The following PLEKHA2 variants were observed in gnomAD, a reference collection of about 807,000 sequenced individuals.
PLEKHA2 encodes pleckstrin homology domain-containing family A member 2.
PLEKHA2 carries 28 observed loss-of-function variants against 53.2 expected under a neutral mutation model. The ratio of observed to expected loss-of-function variants is 0.53; its 90% CI spans 0.39 to 0.72. The LOEUF (loss-of-function observed/expected upper bound fraction) is 0.72, where lower values mean the gene tolerates loss of function less well. PLEKHA2 is among the 30% of genes least tolerant of loss of function. The probability of loss-of-function intolerance (pLI) is 0.00; values close to 1 mark genes in which losing one functional copy is unlikely to be tolerated. For missense variants in PLEKHA2, 426 were observed against 537.9 expected, an observed-to-expected ratio of 0.79 and a Z score of 2.06; for synonymous variants, 193 against 196.4, an observed-to-expected ratio of 0.98 and a Z score of 0.14.
chr8:38,943,683 A>T, intron 3 of PLEKHA2, 106 bp from the exon 4 acceptor site: 1 of 793,326 alleles, frequency 1.3e-6, no homozygotes, highest in Non-Finnish European at 1.9e-6. Flanking sequence ...TTAAAAATGT[A>T]GACATATGTT....
intron 2 of PLEKHA2, among the ~76,000 whole-genome samples, chr8:38,929,183 G>C (rs865960578): frequency 3.9e-5 from 6 of 152,206 alleles, no homozygotes; most frequent in Non-Finnish European, 8.8e-5. Flanking sequence ...ATTACCAGGG[G>C]CGTCCCCTCC....
intron 3 of PLEKHA2, among the ~76,000 whole-genome samples, chr8:38,939,199 C>T (rs868059897): frequency 1.5e-4 from 23 of 152,250 alleles, no homozygotes; most frequent in South Asian, 4.1e-4. Flanking sequence ...CCACTGCACC[C>T]GGCCCCATCT....
intron 1 of PLEKHA2, among the ~76,000 whole-genome samples, chr8:38,908,622 G>T (rs2152364150): frequency 6.6e-6 from 1 of 152,318 alleles, no homozygotes; most frequent in Non-Finnish European, 1.5e-5. Flanking sequence ...ATAGCCCGTA[G>T]ATAATAACTT....
At chr8:38,955,546 C>T (rs1834923735) in intron 9 of PLEKHA2, among the ~76,000 whole-genome samples, 1 of 152,058 alleles carries the variant, frequency 6.6e-6, no homozygotes, top group African/African-American at 2.4e-5. Context: ...ACAAAGGCTC[C>T]CCAAGTTTTT....
chr8:38,957,298 A>G (rs1411262605), intron 9 of PLEKHA2, 25 bp from the exon 10 acceptor site: 4 of 1,591,166 alleles, frequency 2.5e-6, no homozygotes, highest in Non-Finnish European at 3.4e-6. Flanking sequence ...GCACGCCATA[A>G]CATTCTTTCT....
chr8:38,955,300 A>C (rs1401721306), intron 9 of PLEKHA2, among the ~76,000 whole-genome samples: 1 of 152,128 alleles, frequency 6.6e-6, no homozygotes, highest in Admixed American at 6.5e-5. Flanking sequence ...TGTTTATGTG[A>C]CTTTACTGGC....
At chr8:38,928,313 A>G (rs1226908332) in intron 2 of PLEKHA2, among the ~76,000 whole-genome samples, 2 of 132,582 alleles carry the variant, frequency 1.5e-5, no homozygotes, top group East Asian at 2.4e-4. Context: ...CAGTGGTGTG[A>G]TCTTGGCTCA....
At chr8:38,951,086 A>T in intron 6 of PLEKHA2, 96 bp downstream of exon 6, 7 of 327,292 alleles carry the variant, frequency 2.1e-5, no homozygotes, top group South Asian at 1.2e-4. Flanking sequence ...GGGGAAAAGG[A>T]GGGTGGGAGT....
At chr8:38,931,829 A>G (rs1834399014) in intron 2 of PLEKHA2, among the ~76,000 whole-genome samples, 1 of 152,196 alleles carries the variant, frequency 6.6e-6, no homozygotes, top group East Asian at 1.9e-4. Flanking sequence ...GTCCAAGGCT[A>G]GATTTTGTCC....
At chr8:38,915,613 T>C (rs549286937) in intron 1 of PLEKHA2, among the ~76,000 whole-genome samples, 3 of 152,302 alleles carry the variant, frequency 2.0e-5, no homozygotes, top group Non-Finnish European at 4.4e-5. Flanking sequence ...TATAGCCACA[T>C]TTTGAGGGCC....
Position 38,923,394 on chromosome 8 carries a change from A to G in PLEKHA2, c.141+5324A>G, listed in dbSNP as rs145361640. On this transcript the variant is annotated intron_variant, in intron 2 of 11. Coordinates refer to ENST00000617275, the MANE Select transcript of PLEKHA2 (RefSeq NM_021623.2). ...GCTAATTTTTGTAGTTTTAGTAGAG[A>G]TGGGGTTTCACTATGTTGGTCAGCC... is the stretch of plus-strand genomic sequence containing the variant. Among the ~76,000 whole-genome samples, 939 of 152,274 alleles carry G rather than the reference A, an allele frequency of 6.2e-3. 11 individuals are homozygous for G. The highest frequency in any genetic ancestry group is 0.022 in the African/African-American group (903 of 41,558).
intron 1 of PLEKHA2, among the ~76,000 whole-genome samples, chr8:38,917,059 C>T (rs1181840814): frequency 2.6e-5 from 4 of 152,142 alleles, no homozygotes; most frequent in African/African-American, 9.7e-5. Context: ...CTGTTTGCCA[C>T]TCGTATGTGT....
At chr8:38,945,052 G>T (rs116474013) in intron 4 of PLEKHA2, among the ~76,000 whole-genome samples, 2 of 152,174 alleles carry the variant, frequency 1.3e-5, no homozygotes, top group Admixed American at 6.5e-5. Flanking sequence ...TGACATGTTG[G>T]GGGATGGTGT....
chr8:38,952,753 G>A lies in PLEKHA2; in HGVS notation c.702+49G>A, dbSNP rs778183843. 86 of 1,550,824 alleles carry A rather than the reference G, an allele frequency of 5.5e-5. 3 individuals carry two copies. The South Asian group carries it at 9.2e-4, about 17-fold the overall frequency. On this transcript the variant is annotated intron_variant, in intron 8 of 11. Coordinates refer to ENST00000617275, the MANE Select transcript of PLEKHA2 (RefSeq NM_021623.2). Reference sequence around the variant, plus strand: ...TCTGAGAGGTCATGGAAACTAAGAGGTGCATAGGTGCACACCCACAGGAGA... The same window carrying A: ...TCTGAGAGGTCATGGAAACTAAGAGATGCATAGGTGCACACCCACAGGAGA...
chr8:38,945,976 A>G (rs781584197), intron 4 of PLEKHA2, 148 bp from the exon 5 acceptor site: 15 of 630,766 alleles, frequency 2.4e-5, no homozygotes, highest in African/African-American at 7.4e-5. Context: ...ATCCAGGCAA[A>G]TGACTTAGCA....
chr8:38,946,864 A>G (rs1353090479), intron 5 of PLEKHA2, among the ~76,000 whole-genome samples: 1 of 152,218 alleles, frequency 6.6e-6, no homozygotes, highest in African/African-American at 2.4e-5. Flanking sequence ...CTTTTAATCA[A>G]TAAGACAGGC....
At chr8:38,914,275 C>T (rs1241962588) in intron 1 of PLEKHA2, among the ~76,000 whole-genome samples, 1 of 152,260 alleles carries the variant, frequency 6.6e-6, no homozygotes. Context: ...TCACTGGTAT[C>T]CATATGTGTG....
chr8:38,948,541 G>T (rs1354363361), intron 5 of PLEKHA2, among the ~76,000 whole-genome samples: 5 of 152,182 alleles, frequency 3.3e-5, no homozygotes, highest in Non-Finnish European at 5.9e-5. Context: ...TAGGGAGGGG[G>T]CAGAGGACGT....
intron 6 of PLEKHA2, among the ~76,000 whole-genome samples, 151 bp downstream of exon 6, chr8:38,951,141 A>G (rs1220175741): frequency 1.3e-5 from 2 of 152,196 alleles, no homozygotes; most frequent in East Asian, 3.9e-4. Flanking sequence ...AGTACAGGTC[A>G]TGTTACATCC....
Sources: allele counts gnomAD v4.1 joint callset (sites outside exome capture counted in the v4.1 genomes callset), GRCh38; gene constraint gnomAD v4.1.1; transcripts MANE v1.5; gene names NCBI Gene and HGNC (gene_info 2026-07-23, HGNC 2026-07-21).